ZNF385B: variants seen among roughly 807,000 people sequenced by gnomAD.
The protein encoded by ZNF385B is zinc finger protein 533.
In ZNF385B, 23 loss-of-function variants were observed where a neutral mutation model predicts 39.2. That is an observed-to-expected ratio of 0.59 (90% confidence interval 0.42 to 0.83). The LOEUF (loss-of-function observed/expected upper bound fraction) is 0.83. Ranked by LOEUF, ZNF385B falls within the 40% of genes least tolerant of loss-of-function variation. The pLI is 0.00. For synonymous variants in ZNF385B, 205 were observed against 222.6 expected, an observed-to-expected ratio of 0.92 and a Z score of 0.70; for missense variants, 552 against 598.9, an observed-to-expected ratio of 0.92 and a Z score of 0.82.
At chr2:179,745,725 G>C in intron 3 of ZNF385B, 1 of 1,544,052 alleles carries the variant, frequency 6.5e-7, no homozygotes, top group Non-Finnish European at 8.7e-7. Flanking sequence ...CTGCTAGGAA[G>C]TCCACTCCAC....
rs1353655094 is a variant in ZNF385B at position 179,818,259 on chromosome 2, T to C, written c.-155+42842A>G. Among the ~76,000 whole-genome samples the C allele has an allele frequency of 1.8e-4, 27 of 152,224 alleles. 1 individual carries two copies. Among genetic ancestry groups the C allele is most frequent in the Admixed American group, 1.8e-3 (27 of 15,288 alleles). On this transcript the variant is annotated intron_variant, in intron 1 of 9. Transcript: ENST00000410066. ...ATTAAAATTTGCCTTTCCGACATAATGACAGGTCCCTCCAAGTATGTTAAT... is the reference window on the plus strand; with the variant it reads ...ATTAAAATTTGCCTTTCCGACATAACGACAGGTCCCTCCAAGTATGTTAAT...
chr2:179,471,701 A>C (rs2052789613), intron 6 of ZNF385B, among the ~76,000 whole-genome samples: 1 of 152,212 alleles, frequency 6.6e-6, no homozygotes, highest in African/African-American at 2.4e-5. Flanking sequence ...CTATATCATA[A>C]CTAAAAACTG....
At chr2:179,810,898 C>CCTAG (rs1416476319) in intron 1 of ZNF385B, among the ~76,000 whole-genome samples, 3 of 151,940 alleles carry the variant, frequency 2.0e-5, no homozygotes, top group African/African-American at 7.3e-5. Flanking sequence ...TGATTTTATA[C>CCTAG]CTAGAAAACC....
At chr2:179,562,710 T>C (rs959922256) in intron 3 of ZNF385B, 1 of 483,790 alleles carries the variant, frequency 2.1e-6, no homozygotes, top group Non-Finnish European at 2.7e-6. Context: ...TTTCTGAGTA[T>C]CCCCCAGCTA....
chr2:179,586,341 G>C lies in ZNF385B; in HGVS notation c.299-41372C>G, dbSNP rs1687069362. Among the ~76,000 whole-genome samples the C allele has an allele frequency of 3.3e-5, 5 of 152,316 alleles. 1 individual carries two copies. The South Asian group carries it at 1.0e-3, about 32-fold the overall frequency. ...TTATAGATGTCTTTTCTATTAAACT[G>C]TCACTTCCTTGAAGACAGGGGCTGC... is the stretch of plus-strand genomic sequence containing the variant. On this transcript the variant is annotated intron_variant, in intron 3 of 9. Coordinates refer to ENST00000410066, the MANE Select transcript of ZNF385B (RefSeq NM_152520.6).
chr2:179,644,342 A>G (rs146160763), intron 3 of ZNF385B, among the ~76,000 whole-genome samples: 3,451 of 138,768 alleles, frequency 0.025, 58 homozygotes, highest in Non-Finnish European at 0.039. Flanking sequence ...AAACCTCAGA[A>G]CAATCCTACC....
At chr2:179,676,924 A>T (rs1696913875) in intron 3 of ZNF385B, among the ~76,000 whole-genome samples, 1 of 152,208 alleles carries the variant, frequency 6.6e-6, no homozygotes, top group South Asian at 2.1e-4. Flanking sequence ...ATATGGGCTT[A>T]ATGTCAGAAA....
At chr2:179,633,742 A>T (rs1432643788) in intron 3 of ZNF385B, among the ~76,000 whole-genome samples, 1 of 152,216 alleles carries the variant, frequency 6.6e-6, no homozygotes, top group East Asian at 1.9e-4. Flanking sequence ...GTATTCAATT[A>T]GGAAAAGAGG....
chr2:179,535,550 C>G (rs569997794), intron 4 of ZNF385B, among the ~76,000 whole-genome samples: 8 of 152,096 alleles, frequency 5.3e-5, no homozygotes, highest in Non-Finnish European at 1.2e-4. Context: ...AAGGGCACAA[C>G]AATGACACAT....
chr2:179,643,625 A>G (rs1692459264), intron 3 of ZNF385B, among the ~76,000 whole-genome samples: 1 of 152,208 alleles, frequency 6.6e-6, no homozygotes, highest in Non-Finnish European at 1.5e-5. Context: ...AAGGTAGCAT[A>G]CGGTATGATT....
At chr2:179,847,684 G>A (rs1202774080) in intron 1 of ZNF385B, among the ~76,000 whole-genome samples, 1 of 152,168 alleles carries the variant, frequency 6.6e-6, no homozygotes, top group African/African-American at 2.4e-5. Flanking sequence ...AACCAGAGGA[G>A]AGGGAGAGAA....
intron 3 of ZNF385B, among the ~76,000 whole-genome samples, chr2:179,758,565 G>T (rs1241624872): frequency 6.6e-6 from 1 of 152,178 alleles, no homozygotes. Context: ...ATGAATTTTA[G>T]AGAGACACAA....
Position 179,861,559 on chromosome 2 carries a change from G to C in ZNF385B, c.-613C>G, listed in dbSNP as rs776943689. The C allele has an allele frequency of 1.1e-4, 16 of 152,194 alleles. No individual in the cohort carries two copies. Among genetic ancestry groups the C allele is most frequent in the Admixed American group, 5.2e-4 (8 of 15,282 alleles). The allele number at this position is 152,194 out of a possible 1,614,324, so 9.4% of individuals were successfully genotyped here. A position where few individuals can be genotyped will look rare whatever the true frequency, so the allele number is the denominator to read the frequency against. On this transcript the variant is annotated 5_prime_UTR_variant, in exon 1 of 10. Transcript: ENST00000410066. ...GACGGTTTACTAAGCAGAGACTTGC[G>C]AGGCACACAGAGAGGGAATGAGGCG...
intron 6 of ZNF385B, among the ~76,000 whole-genome samples, chr2:179,474,676 A>T (rs891412012): frequency 3.2e-4 from 48 of 152,286 alleles, no homozygotes; most frequent in African/African-American, 1.2e-3. Flanking sequence ...AAGTCTAACA[A>T]ACTTGGATCT....
intron 4 of ZNF385B, among the ~76,000 whole-genome samples, chr2:179,528,360 CATCTGGAGACCTTTCT>C (rs2059050071): frequency 6.6e-6 from 1 of 152,204 alleles, no homozygotes. Flanking sequence ...AGACACCTTT[CATCTGGAGACCTTTCT>C]AACAGGTTTC....
intron 3 of ZNF385B, among the ~76,000 whole-genome samples, chr2:179,563,902 T>C (rs559881392): frequency 1.2e-4 from 18 of 152,150 alleles, no homozygotes; most frequent in Non-Finnish European, 2.5e-4. Context: ...TGAAGAAGTG[T>C]TTCATTCTTT....
intron 1 of ZNF385B, among the ~76,000 whole-genome samples, chr2:179,844,484 G>A (rs1244870754): frequency 2.6e-5 from 4 of 152,088 alleles, no homozygotes; most frequent in African/African-American, 9.7e-5. Context: ...TACATGTTCT[G>A]GGCTTAAAAC....
intron 3 of ZNF385B, among the ~76,000 whole-genome samples, chr2:179,719,536 C>T (rs1250701992): frequency 6.6e-6 from 1 of 152,142 alleles, no homozygotes; most frequent in African/African-American, 2.4e-5. Flanking sequence ...AAGGGAAAAC[C>T]AAAGCTATTG....
intron 3 of ZNF385B, among the ~76,000 whole-genome samples, chr2:179,612,056 A>G (rs1689331754): frequency 6.6e-6 from 1 of 152,046 alleles, no homozygotes; most frequent in African/African-American, 2.4e-5. Flanking sequence ...TTAATTCCAG[A>G]ATTTCTGATT....
Sources: allele counts gnomAD v4.1 joint callset (sites outside exome capture counted in the v4.1 genomes callset), GRCh38; gene constraint gnomAD v4.1.1; transcripts MANE v1.5; gene names NCBI Gene and HGNC (gene_info 2026-07-23, HGNC 2026-07-21).